FCRL2: variants seen among roughly 807,000 people sequenced by gnomAD.
FCRL2 encodes Fc receptor-like protein 2.
A neutral mutation model predicts 59.8 loss-of-function variants in FCRL2; 48 were observed. The ratio of observed to expected loss-of-function variants is 0.80; its 90% confidence interval spans 0.64 to 1.02. The LOEUF is 1.02. FCRL2 is among the 50% of genes least tolerant of loss of function. The probability of loss-of-function intolerance (pLI) is 0.00; values close to 1 mark genes in which losing one functional copy is unlikely to be tolerated. For missense variants in FCRL2, 658 were observed against 597.3 expected, an observed-to-expected ratio of 1.10 and a Z score of -1.06; for synonymous variants, 251 against 229.5, an observed-to-expected ratio of 1.09 and a Z score of -0.85.
intron 7 of FCRL2, among the ~76,000 whole-genome samples, chr1:157,761,744 T>A (rs1649116088): frequency 6.6e-6 from 1 of 152,184 alleles, no homozygotes; most frequent in South Asian, 2.1e-4. Context: ...GGGCTCAGTA[T>A]GACAAATCAC....
At chr1:157,760,766 GA>G (rs1039857321) in intron 7 of FCRL2, among the ~76,000 whole-genome samples, 2 of 143,270 alleles carry the variant, frequency 1.4e-5, no homozygotes, top group African/African-American at 2.8e-5. Context: ...AAGAAAGAAT[GA>G]AAAAAGAAAG....
chr1:157,760,698 G>GAAGGAAAGAAAGAAATAAAGAAA (rs1394581093), intron 7 of FCRL2, among the ~76,000 whole-genome samples: 1 of 97,206 alleles, frequency 1.0e-5, no homozygotes, highest in Non-Finnish European at 2.0e-5. Flanking sequence ...AAAGAAAGAA[G>GAAGGAAAGAAAGAAATAAAGAAA]GAAAGAAAGA....
chr1:157,764,218 TA>T (rs973561192), intron 7 of FCRL2, among the ~76,000 whole-genome samples: 4 of 146,366 alleles, frequency 2.7e-5, no homozygotes, highest in Admixed American at 2.7e-4. Flanking sequence ...AATAAATAAA[TA>T]AATAAATAAT....
Position 157,770,141 on chromosome 1 carries a change from TGAA to T in FCRL2, c.317_319del (p.Phe106_Gln107delinsTer). 6.2e-7 allele frequency: 1 copy of T among 1,613,614 alleles called. No homozygotes were observed. The highest frequency in any genetic ancestry group is 8.5e-7 in the Non-Finnish European group (1 of 1,179,868). On this transcript the variant is annotated stop_gained and inframe_deletion, in exon 4 of 12. Transcript: ENST00000361516. LOFTEE classifies it high-confidence loss of function. The stretch of plus-strand genomic sequence containing the variant: ...GGAGCTGGCAGTCAGCACAGGACGT[TGAA>T]AGAGCTCTAGAGAGAAGGATCACAA...
intron 5 of FCRL2, 45 bp downstream of exon 5, chr1:157,768,369 T>C: frequency 1.9e-6 from 3 of 1,584,390 alleles, no homozygotes; most frequent in Non-Finnish European, 1.7e-6. Flanking sequence ...TATCATGACC[T>C]TGGTCTGGGA....
chr1:157,767,147 C>T, intron 6 of FCRL2, 84 bp downstream of exon 6: 3 of 1,502,928 alleles, frequency 2.0e-6, no homozygotes, highest in Non-Finnish European at 2.7e-6. Context: ...TCACCTTCCC[C>T]CTCTTCACAC....
In FCRL2 at chr1:157,768,611, G is replaced by A. The variant is rs1649723823; in HGVS notation, c.686C>T (p.Ala229Val). The change falls in exon 5 of 12, where the codon GCT becomes GTT. Residue 229 changes from alanine to valine, a missense_variant. Physicochemically the swap from Ala to Val is moderately conservative, Grantham distance 64 (BLOSUM62 0). Coordinates refer to ENST00000361516, the MANE Select transcript of FCRL2 (RefSeq NM_030764.4). ...GAATGTGACATTTCCTGTACCCCCAGCCACTGAGCAGAGCAGGATCAGTTT... is the reference window on the plus strand; with the variant it reads ...GAATGTGACATTTCCTGTACCCCCAACCACTGAGCAGAGCAGGATCAGTTT... ...GQKLILLCSV[A>V]GGTGNVTFSW... 1.2e-6 allele frequency: 2 copies of A among 1,614,216 alleles called. No individual in the cohort carries two copies. The highest frequency in any genetic ancestry group is 2.2e-5 in the East Asian group (1 of 44,882).
chr1:157,746,717 C>G lies in FCRL2; in HGVS notation c.*19G>C, dbSNP rs758252379. On this transcript the variant is annotated 3_prime_UTR_variant, in exon 12 of 12. Coordinates refer to ENST00000361516, the MANE Select transcript of FCRL2 (RefSeq NM_030764.4). ...GCCCCATCCTTGCTGTTGATCTTCCCTTCTGATTCCTCCAAGTGTTATGAT... is the reference window on the plus strand; with the variant it reads ...GCCCCATCCTTGCTGTTGATCTTCCGTTCTGATTCCTCCAAGTGTTATGAT... 6.2e-7 allele frequency: 1 copy of G among 1,612,360 alleles called. No homozygotes were observed. Among genetic ancestry groups the G allele is most frequent in the South Asian group, 1.1e-5 (1 of 91,010 alleles).
chr1:157,774,373 G>A (rs1650251826), intron 2 of FCRL2: 1 of 453,580 alleles, frequency 2.2e-6, no homozygotes, highest in Non-Finnish European at 4.4e-6. Context: ...ATATAGCAAA[G>A]CCATGATTTC....
At chr1:157,750,681 G>T (rs1365475785) in intron 7 of FCRL2, among the ~76,000 whole-genome samples, 1 of 152,152 alleles carries the variant, frequency 6.6e-6, no homozygotes, top group East Asian at 1.9e-4. Context: ...TAATTAGCTT[G>T]TTTAGTCTTC....
intron 10 of FCRL2, among the ~76,000 whole-genome samples, chr1:157,748,162 T>C (rs1308490695): frequency 6.6e-6 from 1 of 152,104 alleles, no homozygotes; most frequent in East Asian, 1.9e-4. Flanking sequence ...CTCACACCTG[T>C]AATCCCAGCA....
At chr1:157,763,589 T>A (rs12086811) in intron 7 of FCRL2, among the ~76,000 whole-genome samples, 1 of 152,066 alleles carries the variant, frequency 6.6e-6, no homozygotes, top group South Asian at 2.1e-4. Flanking sequence ...TTAAAAATGT[T>A]GCCCAACTCT....
chr1:157,751,562 T>C (rs1247178841), intron 7 of FCRL2, among the ~76,000 whole-genome samples: 1 of 152,190 alleles, frequency 6.6e-6, no homozygotes, highest in Non-Finnish European at 1.5e-5. Flanking sequence ...GTCATCTGCC[T>C]GAGGCAGGAG....
At chr1:157,751,577 A>T (rs980535942) in intron 7 of FCRL2, among the ~76,000 whole-genome samples, 1 of 152,214 alleles carries the variant, frequency 6.6e-6, no homozygotes. Context: ...CAGGAGCTGC[A>T]TATTTACAGG....
intron 3 of FCRL2, 56 bp downstream of exon 3, chr1:157,770,353 C>G: frequency 6.3e-7 from 1 of 1,582,864 alleles, no homozygotes; most frequent in Non-Finnish European, 8.6e-7. Context: ...AGTACCCACC[C>G]TGCCTTGCTG....
intron 7 of FCRL2, among the ~76,000 whole-genome samples, chr1:157,753,605 A>G (rs1179244697): frequency 6.6e-6 from 1 of 152,218 alleles, no homozygotes; most frequent in African/African-American, 2.4e-5. Context: ...AGCTCGCCAA[A>G]TCCCATTGTT....
chr1:157,757,239 T>C (rs1240492240), intron 7 of FCRL2, among the ~76,000 whole-genome samples: 1 of 152,232 alleles, frequency 6.6e-6, no homozygotes, highest in African/African-American at 2.4e-5. Flanking sequence ...ATAAGCTGAA[T>C]GTTTGTGTCC....
At chr1:157,765,096 T>C (rs1649393963) in intron 7 of FCRL2, among the ~76,000 whole-genome samples, 1 of 151,702 alleles carries the variant, frequency 6.6e-6, no homozygotes, top group African/African-American at 2.4e-5. Context: ...AAAAGAAGAC[T>C]CAAATAAACA....
At chr1:157,753,767 T>G (rs1648376080) in intron 7 of FCRL2, among the ~76,000 whole-genome samples, 1 of 152,178 alleles carries the variant, frequency 6.6e-6, no homozygotes, top group Non-Finnish European at 1.5e-5. Context: ...TTGGTGTTTC[T>G]GAAAACCAGC....
Sources: allele counts gnomAD v4.1 joint callset (sites outside exome capture counted in the v4.1 genomes callset), GRCh38; gene constraint gnomAD v4.1.1; transcripts MANE v1.5; gene names NCBI Gene and HGNC (gene_info 2026-07-23, HGNC 2026-07-21).